COPS7B: variants seen among roughly 807,000 people sequenced by gnomAD.
The protein encoded by COPS7B is COP9 signalosome complex subunit 7b.
A neutral mutation model predicts 33.4 loss-of-function variants in COPS7B; 9 were observed. That is an observed-to-expected ratio of 0.27 (90% CI 0.16 to 0.47). The LOEUF (loss-of-function observed/expected upper bound fraction) is 0.47. Among genes scored for constraint, COPS7B ranks in the 20% least tolerant of loss-of-function variants. The pLI is 0.99. For synonymous variants in COPS7B, 119 were observed against 126.3 expected (o/e 0.94, Z 0.39); for missense variants, 242 against 318.2 (o/e 0.76, Z 1.82).
upstream of COPS7B, among the ~76,000 whole-genome samples, chr2:231,782,482 CCTT>C (rs1489913914): frequency 2.6e-5 from 4 of 152,216 alleles, no homozygotes; most frequent in Non-Finnish European, 4.4e-5. Context: ...CCTCCTCTGT[CCTT>C]CTCTTGGCCT....
At chr2:231,795,997 C>T (rs1187196713) in intron 4 of COPS7B, 109 bp from the exon 5 acceptor site, 4 of 788,982 alleles carry the variant, frequency 5.1e-6, no homozygotes, top group East Asian at 5.1e-5. Context: ...TTACCACTAG[C>T]CTGCGTTTCC....
intron 5 of COPS7B, among the ~76,000 whole-genome samples, chr2:231,798,330 C>T (rs1271187131): frequency 6.8e-6 from 1 of 146,616 alleles, no homozygotes; most frequent in Non-Finnish European, 1.5e-5. Flanking sequence ...GGTCTCAGCT[C>T]ACTGCAACCT....
chr2:231,808,115 G>T lies in COPS7B; in HGVS notation c.*470G>T. On this transcript the variant is annotated 3_prime_UTR_variant, in exon 7 of 7. Coordinates refer to ENST00000350033, the MANE Select transcript of COPS7B (RefSeq NM_022730.4). The stretch of plus-strand genomic sequence containing the variant: ...CCTCACGATGGTGCAGTGATTTCTA[G>T]CCAGGCGTCAAGATGCGCTGCTTTC... 4.1e-6 allele frequency: 1 copy of T among 245,662 alleles called. No individual in the cohort carries two copies. 15.2% of individuals were successfully genotyped at this position (245,662 alleles called of 1,614,324 possible).
chr2:231,794,513 C>T (rs545678885), intron 4 of COPS7B, among the ~76,000 whole-genome samples, 162 bp downstream of exon 4: 2 of 152,294 alleles, frequency 1.3e-5, no homozygotes, highest in African/African-American at 4.8e-5. Context: ...AAGTACTCCC[C>T]ATTCCATACA....
chr2:231,804,367 C>T (rs940977653), intron 6 of COPS7B, among the ~76,000 whole-genome samples: 5 of 151,830 alleles, frequency 3.3e-5, no homozygotes, highest in East Asian at 1.9e-4. Flanking sequence ...CCTGCCTCAG[C>T]GTCCCGAGTA....
chr2:231,782,805 AT>A (rs550118196), upstream of COPS7B, among the ~76,000 whole-genome samples: 2,031 of 152,078 alleles, frequency 0.013, 31 homozygotes, highest in Non-Finnish European at 0.018. Context: ...TTGAACTTGA[AT>A]TTTTTTTCCA....
intron 5 of COPS7B, among the ~76,000 whole-genome samples, chr2:231,797,694 A>T (rs535473176): frequency 1.3e-5 from 2 of 152,220 alleles, no homozygotes; most frequent in Admixed American, 1.3e-4. Context: ...GGGCTACCAC[A>T]TATATGGCAA....
chr2:231,787,737 A>G (rs1420967663), intron 1 of COPS7B, among the ~76,000 whole-genome samples: 2 of 152,154 alleles, frequency 1.3e-5, no homozygotes, highest in Admixed American at 6.6e-5. Flanking sequence ...ATCTGTGCTT[A>G]CTTGACTTGA....
chr2:231,790,018 C>T (rs2049366534), intron 2 of COPS7B: 1 of 152,140 alleles, frequency 6.6e-6, no homozygotes, highest in Non-Finnish European at 1.5e-5. Context: ...CTGTAGTGCT[C>T]ACCATTGTTT....
intron 4 of COPS7B, among the ~76,000 whole-genome samples, chr2:231,795,501 TG>T (rs1407623313): frequency 6.6e-6 from 1 of 152,234 alleles, no homozygotes; most frequent in Non-Finnish European, 1.5e-5. Context: ...TTTCTTGTAC[TG>T]ATTGTGGACT....
intron 6 of COPS7B, among the ~76,000 whole-genome samples, chr2:231,803,045 T>C (rs1215415601): frequency 6.6e-6 from 1 of 152,216 alleles, no homozygotes; most frequent in Non-Finnish European, 1.5e-5. Context: ...CTCAAAGTGG[T>C]AACGACTGTA....
Position 231,807,833 on chromosome 2 carries a change from C to T in COPS7B, c.*188C>T, listed in dbSNP as rs2049940688. 3 of 546,974 alleles carry T rather than the reference C, an allele frequency of 5.5e-6. No homozygotes were observed. The highest frequency in any genetic ancestry group is 9.6e-6 in the Non-Finnish European group (3 of 312,586). 33.9% of individuals were successfully genotyped at this position (546,974 alleles called of 1,614,324 possible). A position where few individuals can be genotyped will look rare whatever the true frequency, so the allele number is the denominator to read the frequency against. On this transcript the variant is annotated 3_prime_UTR_variant, in exon 7 of 7. Transcript: ENST00000350033. ...CCCCCTCACCCACTCCCTCCTTCCC[C>T]AGTTGTTCCCTTCAGACTCAGGGGC...
rs1279816444 is a variant in COPS7B, at chr2:231,808,912, A to G, written c.*1267A>G. ...TTTTACAACAAAAAAATAAAAGTGTAGATTTAATGTATGTGACTGGGGTTT... is the reference window on the plus strand; with the variant it reads ...TTTTACAACAAAAAAATAAAAGTGTGGATTTAATGTATGTGACTGGGGTTT... On this transcript the variant is annotated 3_prime_UTR_variant, in exon 7 of 7. Coordinates refer to ENST00000350033, the MANE Select transcript of COPS7B (RefSeq NM_022730.4). 6.4e-6 allele frequency: 1 copy of G among 155,942 alleles called. No homozygotes were observed. The highest frequency in any genetic ancestry group is 2.4e-5 in the African/African-American group (1 of 41,264). The allele number at this position is 155,942 out of a possible 1,614,324, so 9.7% of individuals were successfully genotyped here.
intron 1 of COPS7B, 71 bp from the exon 2 acceptor site, chr2:231,788,484 T>C: frequency 7.1e-7 from 1 of 1,409,408 alleles, no homozygotes; most frequent in South Asian, 1.3e-5. Context: ...TGGTGTTTGA[T>C]TCAGCACTGA....
At chr2:231,797,116 G>T (rs1340058783) in intron 5 of COPS7B, among the ~76,000 whole-genome samples, 1 of 152,224 alleles carries the variant, frequency 6.6e-6, no homozygotes, top group Non-Finnish European at 1.5e-5. Context: ...AGGCAGGCAC[G>T]TGGCATGTTG....
Position 231,800,472 on chromosome 2 carries a change from A to G in COPS7B, c.636+1508A>G, listed in dbSNP as rs536240931. Among the ~76,000 whole-genome samples the G allele has an allele frequency of 2.2e-4, 33 of 152,338 alleles. No individual in the cohort carries two copies. In the South Asian group the frequency reaches 2.3e-3, roughly 11 times the overall value. On this transcript the variant is annotated intron_variant, in intron 6 of 6. Coordinates refer to ENST00000350033, the MANE Select transcript of COPS7B (RefSeq NM_022730.4). ...AAAATGAGGTTGGGAGGCTAACCAC[A>G]CTACCTAATCTTTGGTATCAAGGTC...
chr2:231,798,826 T>C, intron 5 of COPS7B, 33 bp from the exon 6 acceptor site: 2 of 1,578,012 alleles, frequency 1.3e-6, no homozygotes, highest in Non-Finnish European at 1.7e-6. Flanking sequence ...CCCAGGCCAT[T>C]CTGCAGCTCA....
rs1370051308 is a variant in COPS7B at position 231,786,508 on chromosome 2, G to GAC, written c.-46_-45dup. ...GCAGGCGCCGGGAGGCCGAGCCAGC[G>GAC]ACTAAGAGGACCGAGAGGTGGCGTG... On this transcript the variant is annotated 5_prime_UTR_variant, in exon 1 of 7. Coordinates refer to ENST00000350033, the MANE Select transcript of COPS7B (RefSeq NM_022730.4). 1.0e-6 allele frequency: 1 copy of GAC among 985,812 alleles called. No homozygotes were observed. The highest frequency in any genetic ancestry group is 1.2e-6 in the Non-Finnish European group (1 of 830,066). The allele number at this position is 985,812 out of a possible 1,614,324, so 61.1% of individuals were successfully genotyped here. A position where few individuals can be genotyped will look rare whatever the true frequency, so the allele number is the denominator to read the frequency against.
chr2:231,798,288 G>C (rs115443069), intron 5 of COPS7B, among the ~76,000 whole-genome samples: 4,597 of 114,418 alleles, frequency 0.04, 122 homozygotes, highest in Middle Eastern at 0.13. Context: ...GCAGAGTTTC[G>C]CTCTGTCACC....
Sources: gnomAD v4.1 joint callset for allele counts (sites outside exome capture counted in the v4.1 genomes callset) on GRCh38, gnomAD v4.1.1 for gene constraint, MANE v1.5 for transcripts, NCBI Gene and HGNC (gene_info 2026-07-23, HGNC 2026-07-21) for gene names.